Variants in HMCN1 observed in about 807,000 individuals in gnomAD.
HMCN1 encodes hemicentin 1.
HMCN1 carries 321 observed loss-of-function variants against 625.9 expected under a neutral mutation model. The ratio of observed to expected loss-of-function variants is 0.51; its 90% CI spans 0.47 to 0.56. The LOEUF is 0.56. HMCN1 is among the 20% of genes least tolerant of loss of function. The probability of loss-of-function intolerance (pLI) is 0.00; values close to 1 mark genes in which losing one functional copy is unlikely to be tolerated. For synonymous variants in HMCN1, 2,425 were observed against 2,417.6 expected (o/e 1.00, Z -0.09); for missense variants, 6,588 against 6,887.3 (o/e 0.96, Z 1.54).
intron 33 of HMCN1, among the ~76,000 whole-genome samples, chr1:186,017,844 T>C (rs1654463997): frequency 6.6e-6 from 1 of 152,034 alleles, no homozygotes; most frequent in Non-Finnish European, 1.5e-5. Context: ...ATATTTTTAT[T>C]CAGGTATGCA....
chr1:185,961,751 A>G (rs140771012), intron 11 of HMCN1, among the ~76,000 whole-genome samples: 1 of 152,296 alleles, frequency 6.6e-6, no homozygotes, highest in East Asian at 1.9e-4. Context: ...TTAGTGTTCC[A>G]TTTTCAAAAG....
chr1:186,114,907 G>T lies in HMCN1; in HGVS notation c.11365G>T (p.Ala3789Ser). ...GRYLCMATNA[A>S]GTDRRRIDLQ... ...GTATTTGTGTATGGCCACCAATGCT[G>T]CTGGAACAGATCGCAGGCGAATAGA... The change falls in exon 74 of 107, where the codon GCT becomes TCT. Residue 3789 changes from alanine (A) to serine (S), a missense_variant. Ala to Ser is a moderately conservative substitution (Grantham distance 99). This residue lies in a region of HMCN1 where 4,628 missense variants were observed against 4,853.1 expected (regional missense o/e 0.95). Coordinates refer to ENST00000271588, the MANE Select transcript of HMCN1 (RefSeq NM_031935.3). 6.2e-7 allele frequency: 1 copy of T among 1,614,140 alleles called. No homozygotes were observed. Among genetic ancestry groups the T allele is most frequent in the Non-Finnish European group, 8.5e-7 (1 of 1,180,014 alleles).
At chr1:185,795,867 A>G (rs1201539884) in intron 1 of HMCN1, among the ~76,000 whole-genome samples, 1 of 152,218 alleles carries the variant, frequency 6.6e-6, no homozygotes, top group Non-Finnish European at 1.5e-5. Flanking sequence ...CACATACTAC[A>G]TAGCAGATAC....
chr1:186,041,211 G>T, intron 40 of HMCN1, 75 bp downstream of exon 40: 1 of 1,290,168 alleles, frequency 7.8e-7, no homozygotes, highest in Non-Finnish European at 1.1e-6. Context: ...AAAGTTAAGG[G>T]AAGTTGTTGA....
At chr1:186,042,810 C>T (rs1656292985) in intron 40 of HMCN1, among the ~76,000 whole-genome samples, 1 of 151,908 alleles carries the variant, frequency 6.6e-6, no homozygotes. Flanking sequence ...TAGTAGTAAC[C>T]TTGGTGATGT....
intron 71 of HMCN1, among the ~76,000 whole-genome samples, chr1:186,111,253 T>C (rs1660873104): frequency 6.6e-6 from 1 of 151,906 alleles, no homozygotes; most frequent in African/African-American, 2.4e-5. Flanking sequence ...AGTGCTGGGA[T>C]TACAGGCGTG....
intron 73 of HMCN1, 134 bp downstream of exon 73, chr1:186,114,257 G>T (rs919441115): frequency 1.0e-6 from 1 of 978,954 alleles, no homozygotes; most frequent in East Asian, 2.6e-5. Flanking sequence ...TCAAAATTTA[G>T]TATTTTATTA....
chr1:185,831,810 A>G (rs1200569482), intron 1 of HMCN1, among the ~76,000 whole-genome samples: 1 of 152,226 alleles, frequency 6.6e-6, no homozygotes, highest in African/African-American at 2.4e-5. Context: ...GCAAACATAT[A>G]CGGGAAAAAA....
chr1:185,747,705 A>G (rs1390916616), intron 1 of HMCN1, among the ~76,000 whole-genome samples: 1 of 152,188 alleles, frequency 6.6e-6, no homozygotes, highest in East Asian at 1.9e-4. Flanking sequence ...GATGGGGAAA[A>G]TTACATAGGA....
At chr1:185,868,057 A>G (rs1001387560) in intron 4 of HMCN1, among the ~76,000 whole-genome samples, 1 of 151,980 alleles carries the variant, frequency 6.6e-6, no homozygotes, top group African/African-American at 2.4e-5. Flanking sequence ...CAACTGAGTG[A>G]GACTCCATCT....
In HMCN1 at chr1:185,990,346, G is replaced by A. The variant is rs1313436072; in HGVS notation, c.3280G>A (p.Gly1094Arg). 2 of 1,613,632 alleles carry A rather than the reference G, an allele frequency of 1.2e-6. No individual in the cohort carries two copies. The highest frequency in any genetic ancestry group is 1.7e-6 in the Non-Finnish European group (2 of 1,179,528). ...GCCTGTTGAGATCTCCGTCCTTGCA[G>A]GGGAAGAGGTAACACTTCCATGTGA... Reference protein sequence around the residue: ...DKPVEISVLAGEEVTLPCEVK... With the variant: ...DKPVEISVLAREEVTLPCEVK... The change falls in exon 22 of 107, where the codon GGG (glycine) becomes AGG (arginine). Residue 1094 changes from glycine to arginine, a missense_variant. By Grantham distance (125) the Gly-to-Arg change is moderately radical. Coordinates refer to ENST00000271588, the MANE Select transcript of HMCN1 (RefSeq NM_031935.3).
At chr1:185,776,600 T>C (rs1411249985) in intron 1 of HMCN1, among the ~76,000 whole-genome samples, 1 of 152,178 alleles carries the variant, frequency 6.6e-6, no homozygotes, top group African/African-American at 2.4e-5. Flanking sequence ...TGAAGCTTAC[T>C]TCATTAGGTT....
intron 103 of HMCN1, chr1:186,177,043 A>ACG (rs1652635136): frequency 1.4e-5 from 1 of 69,342 alleles, no homozygotes; most frequent in African/African-American, 6.3e-5. Flanking sequence ...GGTGGGACAC[A>ACG]CCTGTAATCC....
chr1:186,147,390 C>CTTTT (rs11287093), intron 93 of HMCN1, among the ~76,000 whole-genome samples: 1 of 138,424 alleles, frequency 7.2e-6, no homozygotes, highest in Non-Finnish European at 1.6e-5. Context: ...GGCTTCATGT[C>CTTTT]TTTTTTTTTT....
chr1:185,989,460 A>T, intron 20 of HMCN1, 28 bp from the exon 21 acceptor site: 1 of 1,611,994 alleles, frequency 6.2e-7, no homozygotes, highest in Non-Finnish European at 8.5e-7. Context: ...CAAACAAAAA[A>T]CCCTTTGCTT....
intron 2 of HMCN1, among the ~76,000 whole-genome samples, chr1:185,856,640 G>A (rs567214436): frequency 7.2e-5 from 11 of 152,136 alleles, no homozygotes; most frequent in South Asian, 4.1e-4. Flanking sequence ...GAAACTAAGC[G>A]CAAACTCTAG....
At chr1:185,779,550 CA>C (rs1656897517) in intron 1 of HMCN1, among the ~76,000 whole-genome samples, 1 of 152,178 alleles carries the variant, frequency 6.6e-6, no homozygotes, top group Non-Finnish European at 1.5e-5. Context: ...GATCCAGTTT[CA>C]GCTTTCTACA....
At position 186,149,685 on chromosome 1, in the gene HMCN1, C is replaced by T. The variant is rs147735753; in HGVS notation, c.14609-1515C>T. On this transcript the variant is annotated intron_variant, in intron 93 of 106. Transcript: ENST00000271588. ...TTGGCCTACATCAATTTTCTACATG[C>T]CTGCCTCTCTCAGCTTAACCATTTC... Among the ~76,000 whole-genome samples the T allele has an allele frequency of 5.3e-4, 81 of 152,292 alleles. 1 individual carries two copies. In the East Asian group the frequency reaches 0.014, roughly 27 times the overall value.
rs1351552304 is a variant in HMCN1 at position 185,739,260 on chromosome 1, G to A, written c.268+4213G>A. 3.3e-5 allele frequency among the ~76,000 whole-genome samples: 5 copies of A among 152,262 alleles called. No individual in the cohort carries two copies. The East Asian group carries it at 9.7e-4, about 29-fold the overall frequency. On this transcript the variant is annotated intron_variant, in intron 1 of 106. Coordinates refer to ENST00000271588, the MANE Select transcript of HMCN1 (RefSeq NM_031935.3). The stretch of plus-strand genomic sequence containing the variant: ...ATCTGTACCACAATTTCTTTGTCTA[G>A]TCCATCGTTGATGGGCATCTAGGTT...
Sources: allele counts gnomAD v4.1 joint callset (sites outside exome capture counted in the v4.1 genomes callset), GRCh38; gene constraint gnomAD v4.1.1; regional missense constraint gnomAD v4.1.1; transcripts MANE v1.5; gene names NCBI Gene and HGNC (gene_info 2026-07-23, HGNC 2026-07-21).